The following LOXL4 variants were observed in gnomAD, a reference collection of about 807,000 sequenced individuals.
The protein encoded by LOXL4 is lysyl oxidase homolog 4.
In LOXL4, 72 loss-of-function variants were observed where a neutral mutation model predicts 89.1. The ratio of observed to expected loss-of-function variants is 0.81; its 90% CI spans 0.67 to 0.98. The LOEUF is 0.98. LOXL4 is among the 50% of genes least tolerant of loss of function. LOXL4 has a pLI of 0.00. For missense variants in LOXL4, 984 were observed against 1,017.5 expected (o/e 0.97, Z 0.45); for synonymous variants, 355 against 392.1 (o/e 0.91, Z 1.12).
rs1858273576 is a variant in LOXL4, at chr10:98,253,689, TGG to T, written c.1697_1698del (p.Ser566Ter). 6.2e-7 allele frequency: 1 copy of T among 1,614,088 alleles called. No individual in the cohort carries two copies. The highest frequency in any genetic ancestry group is 1.1e-5 in the South Asian group (1 of 91,090). On this transcript the variant is annotated frameshift_variant, in exon 11 of 15. Coordinates refer to ENST00000260702, the MANE Select transcript of LOXL4 (RefSeq NM_032211.7). LOFTEE classifies it high-confidence loss of function. ...LYCAHEENCL[S>X]KSADHMDWPY... ...GGCCAGTCCATGTGATCCGCAGACT[TGG>T]AGAGGCAGTTCTCCTCGTGGGCACA...
intron 1 of LOXL4, among the ~76,000 whole-genome samples, chr10:98,264,987 G>A (rs1858644209): frequency 6.6e-6 from 1 of 152,234 alleles, no homozygotes; most frequent in South Asian, 2.1e-4. Context: ...TGGCCAGCAG[G>A]GCTGGGTGGA....
In LOXL4 at chr10:98,262,654, A is replaced by G. The variant is rs181558795; in HGVS notation, c.277+89T>C. 4.7e-5 allele frequency: 70 copies of G among 1,486,550 alleles called. No homozygotes were observed. The East Asian group carries it at 1.5e-3, about 32-fold the overall frequency. The allele number at this position is 1,486,550 out of a possible 1,614,324, so 92.1% of individuals were successfully genotyped here. ...GTGGAGGAGGTCACATGAGCAGGGTATTAAAGGATGGGTGGGTGTCAGTGA... is the reference window on the plus strand; with the variant it reads ...GTGGAGGAGGTCACATGAGCAGGGTGTTAAAGGATGGGTGGGTGTCAGTGA... On this transcript the variant is annotated intron_variant, in intron 2 of 14. Coordinates refer to ENST00000260702, the MANE Select transcript of LOXL4 (RefSeq NM_032211.7).
At position 98,257,500 on chromosome 10, in the gene LOXL4, G is replaced by A; in HGVS notation, c.1260+150C>T. 7.7e-6 allele frequency: 7 copies of A among 913,618 alleles called. 1 individual carries two copies. The South Asian group carries it at 1.1e-4, about 14-fold the overall frequency. The allele number at this position is 913,618 out of a possible 1,614,324, so 56.6% of individuals were successfully genotyped here. Reference sequence around the variant, plus strand: ...GACATTTCGGAGGGGCTGCAGCCAGGTCGGCTCTAAGGGAAGGCAGACTGG... The same window carrying A: ...GACATTTCGGAGGGGCTGCAGCCAGATCGGCTCTAAGGGAAGGCAGACTGG... On this transcript the variant is annotated intron_variant, in intron 8 of 14. Coordinates refer to ENST00000260702, the MANE Select transcript of LOXL4 (RefSeq NM_032211.7).
intron 3 of LOXL4, 112 bp downstream of exon 3, chr10:98,261,923 A>T: frequency 9.0e-7 from 1 of 1,114,362 alleles, no homozygotes. Flanking sequence ...GACGATGCTC[A>T]GTGCAGACTG....
In LOXL4 at chr10:98,255,631, C is replaced by T. The variant is rs767787840; in HGVS notation, c.1537G>A (p.Val513Met). 2 of 1,613,410 alleles carry T rather than the reference C, an allele frequency of 1.2e-6. No individual in the cohort carries two copies. Among genetic ancestry groups the T allele is most frequent in the Admixed American group, 1.7e-5 (1 of 60,014 alleles). Residue 513 changes from valine (V) to methionine (M), a missense_variant, in exon 10 of 15, where the codon GTG (valine) becomes ATG (methionine). By Grantham distance (21) the Val-to-Met change is conservative. Transcript: ENST00000260702. ...ALQQCQRHGP[V>M]HCSHGGGRFL... is the part of the protein sequence containing the mutation. ...CGCCCGCCACCGTGGGAGCAGTGCACCGGCCCGTGCCTCTGGCACTGCTGC... is the reference window on the plus strand; with the variant it reads ...CGCCCGCCACCGTGGGAGCAGTGCATCGGCCCGTGCCTCTGGCACTGCTGC...
At chr10:98,253,494 C>A (rs1229963508) in intron 11 of LOXL4, 59 bp downstream of exon 11, 15 of 1,610,404 alleles carry the variant, frequency 9.3e-6, no homozygotes, top group Non-Finnish European at 1.3e-5. Context: ...CCAAACTGCT[C>A]CCTGGACCCT....
chr10:98,253,404 C>T, intron 11 of LOXL4, 149 bp downstream of exon 11: 1 of 1,102,712 alleles, frequency 9.1e-7, no homozygotes, highest in Non-Finnish European at 1.3e-6. Context: ...ATGCCGCTGT[C>T]CTCACTGCCT....
intron 1 of LOXL4, among the ~76,000 whole-genome samples, chr10:98,267,290 G>A (rs987610838): frequency 3.3e-5 from 5 of 152,172 alleles, no homozygotes; most frequent in Non-Finnish European, 7.3e-5. Flanking sequence ...AGGCCGTGGT[G>A]TGAGGGCACT....
intron 8 of LOXL4, 125 bp downstream of exon 8, chr10:98,257,525 G>C (rs896562090): frequency 3.3e-6 from 4 of 1,196,468 alleles, no homozygotes; most frequent in Non-Finnish European, 4.6e-6. Flanking sequence ...AGGCAGACTG[G>C]TGCCCAAAGC....
Position 98,255,672 on chromosome 10 carries a change from C to T in LOXL4, c.1496G>A (p.Gly499Asp), listed in dbSNP as rs769605304. ...GCACTGCTGCAGGGCCAGCTCTGTG[C>T]CTGAGCAGCGCACCCCACTCATCAC... is the stretch of plus-strand genomic sequence containing the variant. ...EVVMSGVRCS[G>D]TELALQQCQR... Residue 499 changes from glycine to aspartate, a missense_variant, in exon 10 of 15, where the codon GGC becomes GAC. Transcript: ENST00000260702. 6.2e-7 allele frequency: 1 copy of T among 1,613,836 alleles called. No homozygotes were observed. The highest frequency in any genetic ancestry group is 8.5e-7 in the Non-Finnish European group (1 of 1,179,774).
Position 98,262,939 on chromosome 10 carries a change from C to A in LOXL4, c.81G>T (p.Leu27=). ...GQPPPSRPQS[L]GTTKLRLVGP... is the part of the protein sequence containing the mutation. ...CCACCAGCCGGAGCTTAGTGGTGCC[C>A]AGTGACTGTGGCCTGCTGGGAGGGG... Residue 27 remains leucine (L), a synonymous_variant, in exon 2 of 15, where the codon CTG becomes CTT. Coordinates refer to ENST00000260702, the MANE Select transcript of LOXL4 (RefSeq NM_032211.7). 6.2e-7 allele frequency: 1 copy of A among 1,613,730 alleles called. No individual in the cohort carries two copies.
Position 98,251,192 on chromosome 10 carries a change from G to T in LOXL4, c.2089-16C>A. ...TCACAATCACCTAGAGTGAAAGAGG[G>T]GACAACTGAAAATGGGTGATTTGGT... On this transcript the variant is annotated splice_polypyrimidine_tract_variant and intron_variant, in intron 13 of 14. Transcript: ENST00000260702. 2 of 1,577,216 alleles carry T rather than the reference G, an allele frequency of 1.3e-6. No homozygotes were observed. The highest frequency in any genetic ancestry group is 1.7e-6 in the Non-Finnish European group (2 of 1,147,022).
intron 2 of LOXL4, 100 bp from the exon 3 acceptor site, chr10:98,262,313 A>C: frequency 7.8e-7 from 1 of 1,274,138 alleles, no homozygotes; most frequent in Non-Finnish European, 1.1e-6. Context: ...CCTCTTCCAA[A>C]CCCTGGGAGA....
intron 10 of LOXL4, among the ~76,000 whole-genome samples, chr10:98,254,568 A>G (rs1382194276): frequency 2.0e-5 from 3 of 152,246 alleles, no homozygotes; most frequent in Non-Finnish European, 4.4e-5. Context: ...AAGAGAGAGT[A>G]AAGGAAAGAA....
At chr10:98,254,740 A>G (rs1377050369) in intron 10 of LOXL4, among the ~76,000 whole-genome samples, 1 of 152,168 alleles carries the variant, frequency 6.6e-6, no homozygotes, top group African/African-American at 2.4e-5. Context: ...AGGGGAGTCA[A>G]GTGAGGAGCA....
At chr10:98,257,583 G>T in intron 8 of LOXL4, 67 bp downstream of exon 8, 1 of 1,537,264 alleles carries the variant, frequency 6.5e-7, no homozygotes, top group African/African-American at 1.4e-5. Flanking sequence ...AGCTCGATGT[G>T]GTGTCCTGGG....
intron 9 of LOXL4, chr10:98,256,405 C>A (rs1490650388): frequency 3.6e-6 from 1 of 278,358 alleles, no homozygotes; most frequent in Non-Finnish European, 6.7e-6. Context: ...CCCCTGCCTC[C>A]TCTGCCCTCA....
intron 11 of LOXL4, 79 bp downstream of exon 11, chr10:98,253,474 C>T: frequency 6.3e-7 from 1 of 1,594,954 alleles, no homozygotes; most frequent in Middle Eastern, 1.8e-4. Context: ...TGCCTGTGGC[C>T]AGGGAAGGGC....
At chr10:98,251,529 A>G in intron 13 of LOXL4, 37 bp downstream of exon 13, 4 of 1,609,590 alleles carry the variant, frequency 2.5e-6, no homozygotes, top group Non-Finnish European at 3.4e-6. Context: ...CATCTGGAGG[A>G]AATCAGGCTC....
Sources: gnomAD v4.1 joint callset for allele counts (sites outside exome capture counted in the v4.1 genomes callset) on GRCh38, gnomAD v4.1.1 for gene constraint, MANE v1.5 for transcripts, NCBI Gene and HGNC (gene_info 2026-07-23, HGNC 2026-07-21) for gene names.